The following TBXT variants were observed in gnomAD, a reference collection of about 807,000 sequenced individuals.
The protein encoded by TBXT is T brachyury transcription factor.
TBXT carries 19 observed loss-of-function variants against 41.1 expected under a neutral mutation model. The observed-to-expected ratio is 0.46, with a 90% CI of 0.32 to 0.68. TBXT has a LOEUF of 0.68. Among genes scored for constraint, TBXT ranks in the 30% least tolerant of loss-of-function variants. The pLI is 0.03. For synonymous variants in TBXT, 213 were observed against 238.9 expected, an observed-to-expected ratio of 0.89 and a Z score of 1.00; for missense variants, 536 against 582.0, an observed-to-expected ratio of 0.92 and a Z score of 0.81.
At chr6:166,163,166 G>T (rs1363259151) in intron 5 of TBXT, among the ~76,000 whole-genome samples, 1 of 152,164 alleles carries the variant, frequency 6.6e-6, no homozygotes, top group African/African-American at 2.4e-5. Context: ...CAGAGAGCAG[G>T]TGAGAGATGC....
rs754087120 is a variant in TBXT at position 166,158,589 on chromosome 6, C to A, written c.1038-1G>T. 1 of 1,524,742 alleles carries A rather than the reference C, an allele frequency of 6.6e-7. No individual in the cohort carries two copies. The allele number at this position is 1,524,742 out of a possible 1,614,324, so 94.5% of individuals were successfully genotyped here. The stretch of plus-strand genomic sequence containing the variant: ...CACAGACCACAGGCTGGGGTACTGA[C>A]TGCAACAGAAAGACACCAGTGAGCA... On this transcript the variant is annotated splice_acceptor_variant, in intron 7 of 7. Transcript: ENST00000366876. LOFTEE classifies it high-confidence loss of function.
upstream of TBXT, among the ~76,000 whole-genome samples, chr6:166,168,155 G>C (rs1029004530): frequency 6.6e-6 from 1 of 151,234 alleles, no homozygotes; most frequent in African/African-American, 2.4e-5. Flanking sequence ...AGGAAGGTAA[G>C]CTGGACGCCC....
rs267600890 is a variant in TBXT, at chr6:166,160,908, G to A, written c.966C>T (p.Ser322=). The part of the protein sequence containing the change: ...LSMLQSHDNW[S]SLGMPAHPSM... ...TGGGATGGGCAGGCATTCCAAGGCT[G>A]GACCAATTGTCATGGGATTGCAGCA... is the stretch of plus-strand genomic sequence containing the variant. The change falls in exon 7 of 8, where the codon TCC becomes TCT. Residue 322 remains serine, a synonymous_variant. Transcript: ENST00000366876. The A allele has an allele frequency of 1.9e-6, 3 of 1,614,038 alleles. No individual in the cohort carries two copies. The African/African-American group carries it at 4.0e-5, about 22-fold the overall frequency.
intron 7 of TBXT, among the ~76,000 whole-genome samples, chr6:166,158,826 A>T (rs904949253): frequency 5.3e-5 from 8 of 152,238 alleles, no homozygotes; most frequent in African/African-American, 9.6e-5. Context: ...GACTGAAAAG[A>T]TTATTCACAT....
In TBXT at chr6:166,164,641, C is replaced by T; in HGVS notation, c.694G>A (p.Glu232Lys). 2 of 1,613,916 alleles carry T rather than the reference C, an allele frequency of 1.2e-6. No homozygotes were observed. The highest frequency in any genetic ancestry group is 2.7e-5 in the African/African-American group (2 of 74,922). Residue 232 changes from glutamate to lysine, a missense_variant, in exon 5 of 8, where the codon GAA becomes AAA. By Grantham distance (56) the Glu-to-Lys change is moderately conservative (BLOSUM62 1). Coordinates refer to ENST00000366876, the MANE Select transcript of TBXT (RefSeq NM_001366285.2). ...CCAGGTTGCTGGCTGTCTCCGGGTTCCTCCATCATCTCTTTGTGATCACTT... is the reference window on the plus strand; with the variant it reads ...CCAGGTTGCTGGCTGTCTCCGGGTTTCTCCATCATCTCTTTGTGATCACTT... ...ERSDHKEMME[E>K]PGDSQQPGYS... is the part of the protein sequence containing the mutation.
At chr6:166,160,702 G>A (rs1280184961) in intron 7 of TBXT, 135 bp downstream of exon 7, 1 of 1,313,294 alleles carries the variant, frequency 7.6e-7, no homozygotes, top group Non-Finnish European at 1.0e-6. Flanking sequence ...GGCTAATAAA[G>A]AATTCTAAAT....
At chr6:166,163,643 C>G (rs531782788) in intron 5 of TBXT, among the ~76,000 whole-genome samples, 2 of 152,336 alleles carry the variant, frequency 1.3e-5, no homozygotes, top group South Asian at 4.1e-4. Flanking sequence ...CTTGGCCTCC[C>G]AAAGTGTTGG....
rs1267411073 is a variant in TBXT, at chr6:166,167,636, C to T, written c.-45G>A. The T allele has an allele frequency of 6.5e-7, 1 of 1,537,718 alleles. No homozygotes were observed. Among genetic ancestry groups the T allele is most frequent in the Non-Finnish European group, 8.7e-7 (1 of 1,146,998 alleles). On this transcript the variant is annotated 5_prime_UTR_variant, in exon 1 of 8. Coordinates refer to ENST00000366876, the MANE Select transcript of TBXT (RefSeq NM_001366285.2). ...CCCCGCCGTCCCCGAAGCCCAGACT[C>T]GCTACCTGAGATCCACCTTCCCTGC...
intron 6 of TBXT, among the ~76,000 whole-genome samples, chr6:166,161,931 G>C (rs76381381): frequency 6.7e-6 from 1 of 150,304 alleles, no homozygotes; most frequent in African/African-American, 2.4e-5. Context: ...TCAAAAAAAA[G>C]CACACATTGC....
Position 166,167,605 on chromosome 6 carries a change from T to C in TBXT, c.-14A>G. 3.2e-6 allele frequency: 5 copies of C among 1,543,790 alleles called. No individual in the cohort carries two copies. Among genetic ancestry groups the C allele is most frequent in the Non-Finnish European group, 3.5e-6 (4 of 1,150,410 alleles). On this transcript the variant is annotated 5_prime_UTR_variant, in exon 1 of 8. Coordinates refer to ENST00000366876, the MANE Select transcript of TBXT (RefSeq NM_001366285.2). ...AGGGGAGCTCATCCTCCCGTCCGGCTCCCCTCCCCGCCGTCCCCGAAGCCC... is the reference window on the plus strand; with the variant it reads ...AGGGGAGCTCATCCTCCCGTCCGGCCCCCCTCCCCGCCGTCCCCGAAGCCC...
In TBXT at chr6:166,158,386, T is replaced by C. The variant is rs1190327650; in HGVS notation, c.1240A>G (p.Ser414Gly). Residue 414 changes from serine (S) to glycine (G), a missense_variant, in exon 8 of 8, where the codon AGC (serine) becomes GGC (glycine). Transcript: ENST00000366876. ...GAAAATDIVDSQYDAAAQGRL... is the reference protein window; with the variant it reads ...GAAAATDIVDGQYDAAAQGRL... ...CCTTGGGCTGCGGCGTCGTACTGGCTGTCCACGATGTCTGTGGCCGCGGCC... is the reference window on the plus strand; with the variant it reads ...CCTTGGGCTGCGGCGTCGTACTGGCCGTCCACGATGTCTGTGGCCGCGGCC... 1 of 1,614,238 alleles carries C rather than the reference T, an allele frequency of 6.2e-7. No individual in the cohort carries two copies. Among genetic ancestry groups the C allele is most frequent in the Non-Finnish European group, 8.5e-7 (1 of 1,180,038 alleles).
At chr6:166,166,181 TC>T (rs1440240331) in intron 2 of TBXT, among the ~76,000 whole-genome samples, 3 of 152,206 alleles carry the variant, frequency 2.0e-5, no homozygotes, top group African/African-American at 7.2e-5. Context: ...CCTGGGGTCT[TC>T]CAGGAACAAT....
At chr6:166,161,916 C>T (rs1391703276) in intron 6 of TBXT, among the ~76,000 whole-genome samples, 1 of 141,350 alleles carries the variant, frequency 7.1e-6, no homozygotes, top group Non-Finnish European at 1.6e-5. Flanking sequence ...GAGCGAGACT[C>T]CGTCTCAAAA....
chr6:166,167,779 G>A lies in TBXT; in HGVS notation c.-188C>T, dbSNP rs1779176041. On this transcript the variant is annotated 5_prime_UTR_variant, in exon 1 of 8. Transcript: ENST00000366876. The stretch of plus-strand genomic sequence containing the variant: ...GGGCGCGGACCAAGACTTGGGGGGA[G>A]GGGACGGGGGCAGAGGGGTGGGGAG... The A allele has an allele frequency of 1.5e-6, 1 of 673,832 alleles. No homozygotes were observed. Among genetic ancestry groups the A allele is most frequent in the East Asian group, 2.7e-5 (1 of 36,904 alleles). The allele number at this position is 673,832 out of a possible 1,614,324, so 41.7% of individuals were successfully genotyped here. A position where few individuals can be genotyped will look rare whatever the true frequency, so the allele number is the denominator to read the frequency against.
Position 166,157,951 on chromosome 6 carries a change from T to C in TBXT, c.*364A>G. 1 of 367,482 alleles carries C rather than the reference T, an allele frequency of 2.7e-6. No individual in the cohort carries two copies. Among genetic ancestry groups the C allele is most frequent in the Non-Finnish European group, 5.1e-6 (1 of 194,546 alleles). 22.8% of individuals were successfully genotyped at this position (367,482 alleles called of 1,614,324 possible). A position where few individuals can be genotyped will look rare whatever the true frequency, so the allele number is the denominator to read the frequency against. On this transcript the variant is annotated 3_prime_UTR_variant, in exon 8 of 8. Coordinates refer to ENST00000366876, the MANE Select transcript of TBXT (RefSeq NM_001366285.2). Reference sequence around the variant, plus strand: ...TCTCACTAAAGTAGGACTGGTGGAGTTTACAAATTCTGGTGTGCCAAAGTT... The same window carrying C: ...TCTCACTAAAGTAGGACTGGTGGAGCTTACAAATTCTGGTGTGCCAAAGTT...
intron 2 of TBXT, 144 bp from the exon 3 acceptor site, chr6:166,165,984 G>A: frequency 7.9e-7 from 1 of 1,260,804 alleles, no homozygotes. Context: ...CACCAGGGGA[G>A]GCTTCTCCGC....
In TBXT at chr6:166,163,223, C is replaced by T. The variant is rs778476643; in HGVS notation, c.731-600G>A. ...TAGACAAGGGTGCCCTCCCCTTCTCCTCCTGCCACCCACAGAGACGGGAGG... is the reference window on the plus strand; with the variant it reads ...TAGACAAGGGTGCCCTCCCCTTCTCTTCCTGCCACCCACAGAGACGGGAGG... On this transcript the variant is annotated intron_variant, in intron 5 of 7. Transcript: ENST00000366876. Among the ~76,000 whole-genome samples the T allele has an allele frequency of 6.6e-4, 101 of 152,154 alleles. 1 individual carries two copies. Among genetic ancestry groups the T allele is most frequent in the Non-Finnish European group, 2.1e-4 (14 of 68,016 alleles).
Position 166,158,601 on chromosome 6 carries a change from G to A in TBXT, c.1038-13C>T, listed in dbSNP as rs114179100. 1,681 of 1,504,294 alleles carry A rather than the reference G, an allele frequency of 1.1e-3. 15 individuals carry two copies. The African/African-American group carries it at 0.021, about 19-fold the overall frequency. 93.2% of individuals were successfully genotyped at this position (1,504,294 alleles called of 1,614,324 possible). On this transcript the variant is annotated splice_polypyrimidine_tract_variant and intron_variant, in intron 7 of 7. Coordinates refer to ENST00000366876, the MANE Select transcript of TBXT (RefSeq NM_001366285.2). ...GCTGGGGTACTGACTGCAACAGAAA[G>A]ACACCAGTGAGCAGGGCCTGGGCAG...
rs773484640 is a variant in TBXT at position 166,160,905 on chromosome 6, G to C, written c.969C>G (p.Ser323Arg). Residue 323 changes from serine (S) to arginine (R), a missense_variant, in exon 7 of 8, where the codon AGC becomes AGG. Transcript: ENST00000366876. ...TGCTGGGATGGGCAGGCATTCCAAG[G>C]CTGGACCAATTGTCATGGGATTGCA... ...SMLQSHDNWS[S>R]LGMPAHPSML... 2 of 1,614,158 alleles carry C rather than the reference G, an allele frequency of 1.2e-6. No individual in the cohort carries two copies. The highest frequency in any genetic ancestry group is 1.7e-5 in the Admixed American group (1 of 60,022).
Sources: allele counts gnomAD v4.1 joint callset (sites outside exome capture counted in the v4.1 genomes callset), GRCh38; gene constraint gnomAD v4.1.1; transcripts MANE v1.5; gene names NCBI Gene and HGNC (gene_info 2026-07-23, HGNC 2026-07-21).